TANC2: variants seen among roughly 807,000 people sequenced by gnomAD.
The protein encoded by TANC2 is tetratricopeptide repeat, ankyrin repeat and coiled-coil containing 2.
A neutral mutation model predicts 210.5 loss-of-function variants in TANC2; 26 were observed. The ratio of observed to expected loss-of-function variants is 0.12; its 90% CI spans 0.09 to 0.17. The LOEUF (loss-of-function observed/expected upper bound fraction) is 0.17, where lower values mean the gene tolerates loss of function less well. Ranked by LOEUF, TANC2 falls within the 10% of genes least tolerant of loss-of-function variation. The pLI is 1.00. For synonymous variants in TANC2, 931 were observed against 967.1 expected (o/e 0.96, Z 0.69); for missense variants, 2,129 against 2,608.9 (o/e 0.82, Z 4.01).
At chr17:63,011,242 T>G (rs2033860509) in intron 2 of TANC2, among the ~76,000 whole-genome samples, 1 of 142,804 alleles carries the variant, frequency 7.0e-6, no homozygotes, top group Non-Finnish European at 1.6e-5. Context: ...TGTGTGTGTG[T>G]TTTTTTTACT....
At chr17:63,151,355 A>G (rs1419740210) in exon 5 of TANC2, 1 of 985,722 alleles carries the variant, frequency 1.0e-6, no homozygotes, top group African/African-American at 1.7e-5. Context: ...CAGCTCAGAA[A>G]CTGGACGTGG....
chr17:63,206,332 C>T (rs541854597), intron 7 of TANC2, among the ~76,000 whole-genome samples: 98 of 152,220 alleles, frequency 6.4e-4, no homozygotes, highest in African/African-American at 1.9e-3. Flanking sequence ...CCATATGATC[C>T]GGCAATTTCT....
chr17:63,176,947 C>T (rs2040605715), intron 5 of TANC2, among the ~76,000 whole-genome samples: 1 of 151,614 alleles, frequency 6.6e-6, no homozygotes, highest in Admixed American at 6.6e-5. Context: ...GTAGTTTTAC[C>T]AGATGTATAT....
chr17:63,407,204 CCACAGACTCAGACTCAAGGCTGGGT>C (rs2048538508), intron 21 of TANC2, among the ~76,000 whole-genome samples: 1 of 151,886 alleles, frequency 6.6e-6, no homozygotes, highest in Non-Finnish European at 1.5e-5. Context: ...AGATTTTTTT[CCACAGACTCAGACTCAAGGCTGGGT>C]CAGAATCAGA....
chr17:63,075,682 C>G (rs2036547496), intron 3 of TANC2, among the ~76,000 whole-genome samples: 1 of 151,840 alleles, frequency 6.6e-6, no homozygotes, highest in African/African-American at 2.4e-5. Context: ...ACAGGCCCGG[C>G]TTTTTTTGTA....
intron 7 of TANC2, among the ~76,000 whole-genome samples, chr17:63,220,703 CA>C (rs373846699): frequency 0.49 from 44,470 of 91,584 alleles, 8,322 homozygotes; most frequent in Non-Finnish European, 0.53. Flanking sequence ...GAATCAGTCT[CA>C]AAAAAAAAAA....
At chr17:63,409,712 C>T (rs1231843400) in intron 21 of TANC2, among the ~76,000 whole-genome samples, 1 of 152,074 alleles carries the variant, frequency 6.6e-6, no homozygotes, top group Admixed American at 6.5e-5. Context: ...ACCTGTACAG[C>T]GTATTAACTG....
At chr17:63,395,067 T>C (rs1272989201) in intron 17 of TANC2, among the ~76,000 whole-genome samples, 6 of 152,252 alleles carry the variant, frequency 3.9e-5, no homozygotes, top group Non-Finnish European at 7.3e-5. Context: ...AATGAAAGGC[T>C]ACTCATCTGT....
At chr17:63,364,327 A>G (rs1218631780) in intron 14 of TANC2, among the ~76,000 whole-genome samples, 3 of 152,234 alleles carry the variant, frequency 2.0e-5, no homozygotes, top group Non-Finnish European at 4.4e-5. Flanking sequence ...CTGTCAGACC[A>G]TTAGAAGATG....
At chr17:63,344,611 C>A (rs1258799687) in intron 12 of TANC2, among the ~76,000 whole-genome samples, 2 of 152,052 alleles carry the variant, frequency 1.3e-5, no homozygotes, top group Admixed American at 1.3e-4. Flanking sequence ...AGGAATCTAC[C>A]CAGAAAAAAG....
intron 17 of TANC2, among the ~76,000 whole-genome samples, chr17:63,394,027 C>G (rs899037182): frequency 6.6e-6 from 1 of 152,146 alleles, no homozygotes; most frequent in Admixed American, 6.5e-5. Flanking sequence ...CCGCCTCGGC[C>G]TCCCAAAGTG....
intron 15 of TANC2, among the ~76,000 whole-genome samples, chr17:63,380,355 TTC>T (rs1175009610): frequency 6.6e-6 from 1 of 152,240 alleles, no homozygotes; most frequent in Non-Finnish European, 1.5e-5. Flanking sequence ...TAACATCAGC[TTC>T]TCTCTCAGCC....
chr17:63,339,490 T>C (rs1265758903), intron 11 of TANC2, among the ~76,000 whole-genome samples: 1 of 152,202 alleles, frequency 6.6e-6, no homozygotes, highest in East Asian at 1.9e-4. Flanking sequence ...GACCTACATC[T>C]AACAAAAATC....
exon 14 of TANC2, chr17:63,354,840 G>A (rs1426745981): frequency 6.2e-7 from 1 of 1,609,708 alleles, no homozygotes; most frequent in Non-Finnish European, 8.5e-7. Context: ...AGAAGAGAAT[G>A]AAGCCATAGA....
At chr17:62,981,853 A>C (rs1034283797) in intron 1 of TANC2, among the ~76,000 whole-genome samples, 1 of 152,224 alleles carries the variant, frequency 6.6e-6, no homozygotes, top group Non-Finnish European at 1.5e-5. Flanking sequence ...GTCATAAAGG[A>C]TACAAATCAG....
chr17:63,290,974 T>C (rs1003876388), intron 9 of TANC2, among the ~76,000 whole-genome samples: 7 of 152,146 alleles, frequency 4.6e-5, no homozygotes, highest in African/African-American at 1.7e-4. Context: ...TGGATGTGGA[T>C]CCAGCCTTCT....
At chr17:63,270,568 A>G (rs1468520191) in intron 9 of TANC2, among the ~76,000 whole-genome samples, 1 of 152,194 alleles carries the variant, frequency 6.6e-6, no homozygotes, top group Non-Finnish European at 1.5e-5. Context: ...GAAATGATTG[A>G]AAATCTTTTT....
intron 2 of TANC2, among the ~76,000 whole-genome samples, chr17:63,062,365 G>T (rs1230063590): frequency 1.3e-5 from 2 of 151,876 alleles, no homozygotes; most frequent in South Asian, 4.2e-4. Context: ...TCTTTTCTTT[G>T]TCCCTTTTGT....
chr17:63,140,176 A>C (rs999628952), intron 4 of TANC2, among the ~76,000 whole-genome samples: 4 of 152,148 alleles, frequency 2.6e-5, no homozygotes, highest in Admixed American at 1.3e-4. Flanking sequence ...CTGAAGCTCA[A>C]CTCTCTCTGT....
Sources: allele counts gnomAD v4.1 joint callset (sites outside exome capture counted in the v4.1 genomes callset), GRCh38; gene constraint gnomAD v4.1.1; transcripts MANE v1.5; gene names NCBI Gene and HGNC (gene_info 2026-07-23, HGNC 2026-07-21).